ATP2B4: variants seen among roughly 807,000 people sequenced by gnomAD.
ATP2B4 encodes the protein ATPase plasma membrane Ca2+ transporting 4, also known as plasma membrane calcium-transporting ATPase 4.
A neutral mutation model predicts 110.3 loss-of-function variants in ATP2B4; 39 were observed. The observed-to-expected ratio is 0.35, with a 90% CI of 0.27 to 0.46. The LOEUF (loss-of-function observed/expected upper bound fraction) is 0.46. Ranked by LOEUF, ATP2B4 falls within the 20% of genes least tolerant of loss-of-function variation. The pLI, the probability that ATP2B4 is intolerant of heterozygous loss-of-function variation, is 1.00. For synonymous variants in ATP2B4, 538 were observed against 571.7 expected (o/e 0.94, Z 0.84); for missense variants, 1,135 against 1,530.9 (o/e 0.74, Z 4.32).
At chr1:203,724,031 A>G in intron 19 of ATP2B4, 43 bp downstream of exon 19, 1 of 1,520,470 alleles carries the variant, frequency 6.6e-7, no homozygotes, top group South Asian at 1.2e-5. Context: ...CACAGCCTGC[A>G]GAACTCCCCT....
chr1:203,641,088 G>C (rs1448058908), intron 1 of ATP2B4, among the ~76,000 whole-genome samples: 5 of 152,214 alleles, frequency 3.3e-5, no homozygotes, highest in Admixed American at 3.3e-4. Flanking sequence ...GGTGTGGGAA[G>C]TGTAGCCCCT....
At chr1:203,717,598 G>C (rs1355216825) in intron 15 of ATP2B4, among the ~76,000 whole-genome samples, 2 of 146,682 alleles carry the variant, frequency 1.4e-5, no homozygotes, top group Non-Finnish European at 3.0e-5. Flanking sequence ...AAGGATTCCT[G>C]CTTCATTTTA....
In ATP2B4 at chr1:203,700,931, G is replaced by A; in HGVS notation, c.901+8G>A. The A allele has an allele frequency of 6.2e-7, 1 of 1,611,042 alleles. No homozygotes were observed. On this transcript the variant is annotated splice_region_variant and intron_variant, in intron 6 of 20. Coordinates refer to ENST00000357681, the MANE Select transcript of ATP2B4 (RefSeq NM_001684.5). The stretch of plus-strand genomic sequence containing the variant: ...GGGAGAAAAAGAAGAAAGGTAAGGG[G>A]CATCTGGAATGAGATTCTCTTTCCT...
intron 16 of ATP2B4, 60 bp downstream of exon 16, chr1:203,720,800 A>T: frequency 6.5e-7 from 1 of 1,538,928 alleles, no homozygotes; most frequent in Non-Finnish European, 8.8e-7. Flanking sequence ...AGGAACATGG[A>T]GTGAAGACTA....
intron 1 of ATP2B4, among the ~76,000 whole-genome samples, chr1:203,680,122 A>G (rs1411925445): frequency 2.6e-5 from 4 of 151,706 alleles, no homozygotes; most frequent in African/African-American, 7.3e-5. Flanking sequence ...AATTCTCAAG[A>G]GACCCAAGAC....
Position 203,655,449 on chromosome 1 carries a change from C to T in ATP2B4, c.-464-27293C>T, listed in dbSNP as rs577930623. Among the ~76,000 whole-genome samples the T allele has an allele frequency of 3.3e-5, 5 of 152,194 alleles. No homozygotes were observed. The East Asian group carries it at 9.7e-4, about 30-fold the overall frequency. ...TCACCTGAGATCAAGAGTTGGAGAC[C>T]AGCCTGGCCAACATGGAGAAACCCT... On this transcript the variant is annotated intron_variant, in intron 1 of 20. Transcript: ENST00000357681.
intron 20 of ATP2B4, among the ~76,000 whole-genome samples, chr1:203,734,785 A>C (rs1469042916): frequency 2.0e-5 from 3 of 151,130 alleles, no homozygotes; most frequent in African/African-American, 7.3e-5. Context: ...CAGGTGGATC[A>C]TAAGGTCAGG....
In ATP2B4 at chr1:203,707,239, T is replaced by A. The variant is rs1273804979; in HGVS notation, c.1314+16T>A. The A allele has an allele frequency of 6.3e-7, 1 of 1,597,820 alleles. No homozygotes were observed. Among genetic ancestry groups the A allele is most frequent in the East Asian group, 2.2e-5 (1 of 44,644 alleles). ...CTCTGTGAAGGTGAGACTAGAACAA[T>A]CCTATCTCTTCCTTTAGGATAGAGA... On this transcript the variant is annotated intron_variant, in intron 9 of 20. Transcript: ENST00000357681.
At chr1:203,699,066 C>T (rs1011020030) in intron 3 of ATP2B4, among the ~76,000 whole-genome samples, 1 of 152,122 alleles carries the variant, frequency 6.6e-6, no homozygotes. Context: ...TGAACCAACA[C>T]CCCCAGCCAG....
At chr1:203,729,989 G>A (rs1281707858) in intron 20 of ATP2B4, among the ~76,000 whole-genome samples, 4 of 152,166 alleles carry the variant, frequency 2.6e-5, no homozygotes, top group Non-Finnish European at 5.9e-5. Flanking sequence ...AACTCCAGGA[G>A]ACGGCTTGGC....
At position 203,634,930 on chromosome 1, in the gene ATP2B4, C is replaced by T. The variant is rs141327991; in HGVS notation, c.-465+7711C>T. Reference sequence around the variant, plus strand: ...CCACCTGCTTCAGCTTCCCAAAGTGCGGGGATTACAGGCATGAACCACCGC... The same window carrying T: ...CCACCTGCTTCAGCTTCCCAAAGTGTGGGGATTACAGGCATGAACCACCGC... On this transcript the variant is annotated intron_variant, in intron 1 of 20. Transcript: ENST00000357681. Among the ~76,000 whole-genome samples, 662 of 152,218 alleles carry T rather than the reference C, an allele frequency of 4.3e-3. 8 individuals are homozygous for T. Among genetic ancestry groups the T allele is most frequent in the African/African-American group, 0.015 (629 of 41,520 alleles).
intron 7 of ATP2B4, among the ~76,000 whole-genome samples, chr1:203,703,367 CTTGGGACTCTGAGGTAGT>C (rs1665751604): frequency 6.6e-6 from 1 of 152,158 alleles, no homozygotes; most frequent in East Asian, 1.9e-4. Context: ...ATAAACCTAG[CTTGGGACTCTGAGGTAGT>C]ACCAGGAAGC....
intron 2 of ATP2B4, among the ~76,000 whole-genome samples, chr1:203,684,618 A>G (rs931444518): frequency 6.6e-6 from 1 of 151,916 alleles, no homozygotes; most frequent in Non-Finnish European, 1.5e-5. Context: ...TTGGCCTCCC[A>G]AAGTGTTGGG....
rs1472651815 is a variant in ATP2B4 at position 203,727,566 on chromosome 1, A to G, written c.3304A>G (p.Thr1102Ala). 6.2e-7 allele frequency: 1 copy of G among 1,613,672 alleles called. No homozygotes were observed. The highest frequency in any genetic ancestry group is 8.5e-7 in the Non-Finnish European group (1 of 1,179,868). Reference protein sequence around the residue: ...LWFRGLNRIQTQIKVVKAFHS... With the variant: ...LWFRGLNRIQAQIKVVKAFHS... ...GTTCCGGGGCCTGAACCGTATCCAG[A>G]CTCAGGTACTCTGATAGTGGTCTGT... The change falls in exon 20 of 21, where the codon ACT becomes GCT. Residue 1102 changes from threonine to alanine, a missense_variant. Around this residue, in one of 9 missense-constraint regions of ATP2B4, gnomAD observed 61 missense variants for 123.4 expected, o/e 0.49. Transcript: ENST00000357681.
intron 2 of ATP2B4, among the ~76,000 whole-genome samples, chr1:203,695,869 T>C (rs1350574680): frequency 6.6e-6 from 1 of 152,160 alleles, no homozygotes; most frequent in Non-Finnish European, 1.5e-5. Flanking sequence ...AAAATCTTTA[T>C]CTGTTCAGAT....
chr1:203,633,095 G>A (rs1663325244), intron 1 of ATP2B4, among the ~76,000 whole-genome samples: 1 of 152,292 alleles, frequency 6.6e-6, no homozygotes, highest in South Asian at 2.1e-4. Flanking sequence ...GAACTGTGTT[G>A]TGCCAGAAAC....
intron 8 of ATP2B4, among the ~76,000 whole-genome samples, chr1:203,706,205 T>G (rs1003770802): frequency 3.3e-5 from 5 of 152,124 alleles, no homozygotes; most frequent in Admixed American, 3.3e-4. Context: ...TAACCAACCA[T>G]CCCAGTTTGC....
chr1:203,717,686 G>A (rs887031678), intron 15 of ATP2B4, among the ~76,000 whole-genome samples: 3 of 145,372 alleles, frequency 2.1e-5, no homozygotes, highest in African/African-American at 7.5e-5. Context: ...CTGTCACCCA[G>A]GCTGGAGTGC....
intron 20 of ATP2B4, among the ~76,000 whole-genome samples, chr1:203,730,827 C>G (rs1364635101): frequency 2.6e-5 from 4 of 152,228 alleles, no homozygotes; most frequent in Non-Finnish European, 2.9e-5. Flanking sequence ...CAAGATGCCA[C>G]AGTGACCAAA....
Sources: allele counts gnomAD v4.1 joint callset (sites outside exome capture counted in the v4.1 genomes callset), GRCh38; gene constraint gnomAD v4.1.1; regional missense constraint gnomAD v4.1.1; transcripts MANE v1.5; gene names NCBI Gene and HGNC (gene_info 2026-07-23, HGNC 2026-07-21).